Variants in ARHGAP25 observed in about 807,000 individuals in gnomAD.
ARHGAP25 encodes the protein Rho GTPase activating protein 25.
A neutral mutation model predicts 71.0 loss-of-function variants in ARHGAP25; 34 were observed. The ratio of observed to expected loss-of-function variants is 0.48; its 90% CI spans 0.36 to 0.64. ARHGAP25 has a LOEUF of 0.64. Among genes scored for constraint, ARHGAP25 ranks in the 30% least tolerant of loss-of-function variants. The pLI, the probability that ARHGAP25 is intolerant of heterozygous loss-of-function variation, is 0.00. For missense variants in ARHGAP25, 706 were observed against 805.1 expected (o/e 0.88, Z 1.49); for synonymous variants, 282 against 296.5 (o/e 0.95, Z 0.50).
At chr2:68,792,663 ATCCGATCATCTGTT>A (rs1679268282) in intron 4 of ARHGAP25, among the ~76,000 whole-genome samples, 1 of 152,180 alleles carries the variant, frequency 6.6e-6, no homozygotes, top group African/African-American at 2.4e-5. Context: ...TATTTTCTTC[ATCCGATCATCTGTT>A]GATGGACAGT....
intron 7 of ARHGAP25, 153 bp downstream of exon 7, chr2:68,816,515 T>C (rs1196724751): frequency 1.8e-5 from 12 of 649,766 alleles, no homozygotes; most frequent in African/African-American, 5.5e-5. Context: ...AGTAGCTTCC[T>C]GTATAATTTC....
At chr2:68,751,496 C>T (rs1405439664) in intron 1 of ARHGAP25, among the ~76,000 whole-genome samples, 1 of 152,182 alleles carries the variant, frequency 6.6e-6, no homozygotes, top group Non-Finnish European at 1.5e-5. Flanking sequence ...AGATTTCCTC[C>T]TATTCGCACA....
At chr2:68,804,676 C>A (rs760610765) in intron 4 of ARHGAP25, among the ~76,000 whole-genome samples, 3 of 152,218 alleles carry the variant, frequency 2.0e-5, no homozygotes, top group Non-Finnish European at 4.4e-5. Flanking sequence ...TCCATGGAAC[C>A]TGGTGCTGGC....
intron 4 of ARHGAP25, 26 bp downstream of exon 4, chr2:68,787,982 G>A (rs1395246659): frequency 6.3e-7 from 1 of 1,579,284 alleles, no homozygotes; most frequent in Non-Finnish European, 8.7e-7. Context: ...GGCTTTCCTG[G>A]GCAGGTGCCT....
chr2:68,773,162 C>T (rs1177082092), intron 1 of ARHGAP25, among the ~76,000 whole-genome samples: 3 of 151,912 alleles, frequency 2.0e-5, no homozygotes, highest in Non-Finnish European at 4.4e-5. Flanking sequence ...AATATTGGAC[C>T]GAAGGATGAA....
intron 2 of ARHGAP25, among the ~76,000 whole-genome samples, chr2:68,727,435 G>C (rs1286272720): frequency 6.6e-6 from 1 of 152,144 alleles, no homozygotes; most frequent in Non-Finnish European, 1.5e-5. Flanking sequence ...GGAATGTAAA[G>C]GTTTGTGCCA....
intron 1 of ARHGAP25, among the ~76,000 whole-genome samples, chr2:68,769,061 CCTT>C (rs1031913017): frequency 2.9e-4 from 44 of 152,280 alleles, no homozygotes; most frequent in African/African-American, 9.9e-4. Context: ...TCCTGCTCCT[CCTT>C]GTTCAGCAGG....
chr2:68,715,570 A>G (rs770730595), intron 2 of ARHGAP25, among the ~76,000 whole-genome samples: 41 of 152,090 alleles, frequency 2.7e-4, no homozygotes, highest in Non-Finnish European at 4.0e-4. Flanking sequence ...GAGGCATTGC[A>G]CCGGGTGCTT....
At chr2:68,793,264 T>A (rs1280957919) in intron 4 of ARHGAP25, among the ~76,000 whole-genome samples, 2 of 152,318 alleles carry the variant, frequency 1.3e-5, no homozygotes, top group East Asian at 3.9e-4. Context: ...GTACAGAAGC[T>A]TTTTAGCTTA....
At chr2:68,737,900 C>A (rs754291454) in intron 1 of ARHGAP25, among the ~76,000 whole-genome samples, 1 of 152,054 alleles carries the variant, frequency 6.6e-6, no homozygotes, top group African/African-American at 2.4e-5. Context: ...TCTCTGAGAG[C>A]GAGGGGAGGG....
chr2:68,728,396 T>C (rs895973113), intron 2 of ARHGAP25, among the ~76,000 whole-genome samples: 1 of 152,192 alleles, frequency 6.6e-6, no homozygotes, highest in African/African-American at 2.4e-5. Context: ...AAATGTAAAA[T>C]GGTGCAGCTA....
chr2:68,722,016 T>C (rs952101927), intron 2 of ARHGAP25, among the ~76,000 whole-genome samples: 7 of 152,228 alleles, frequency 4.6e-5, no homozygotes, highest in Non-Finnish European at 7.3e-5. Context: ...CACCAAAGGT[T>C]TGTGGTCCAG....
intron 1 of ARHGAP25, among the ~76,000 whole-genome samples, chr2:68,774,260 G>A (rs1365021533): frequency 2.0e-5 from 3 of 152,180 alleles, no homozygotes; most frequent in Non-Finnish European, 2.9e-5. Context: ...TCAGAAGGAA[G>A]TGTTGAATGG....
chr2:68,748,318 G>C (rs1042743055), intron 1 of ARHGAP25, among the ~76,000 whole-genome samples: 41 of 152,150 alleles, frequency 2.7e-4, no homozygotes, highest in African/African-American at 9.7e-4. Context: ...TCTTCAAAGA[G>C]GTCTTTCCTG....
intron 3 of ARHGAP25, among the ~76,000 whole-genome samples, chr2:68,783,830 G>A (rs1189115139): frequency 1.3e-5 from 2 of 152,088 alleles, no homozygotes; most frequent in East Asian, 3.9e-4. Context: ...AGGAAAGCCT[G>A]CTTTTTCAGT....
intron 6 of ARHGAP25, among the ~76,000 whole-genome samples, chr2:68,814,162 G>C (rs1339580811): frequency 6.6e-6 from 1 of 152,178 alleles, no homozygotes; most frequent in Non-Finnish European, 1.5e-5. Flanking sequence ...TATGTTAAAA[G>C]CCCTCTCTGG....
At chr2:68,716,281 G>A (rs1379490962) in intron 2 of ARHGAP25, among the ~76,000 whole-genome samples, 1 of 152,212 alleles carries the variant, frequency 6.6e-6, no homozygotes, top group Non-Finnish European at 1.5e-5. Context: ...CTGAGACTTG[G>A]TTATCATTCT....
At chr2:68,805,456 T>G (rs1020905816) in intron 4 of ARHGAP25, among the ~76,000 whole-genome samples, 2 of 152,012 alleles carry the variant, frequency 1.3e-5, no homozygotes, top group African/African-American at 4.8e-5. Flanking sequence ...TCCCAACACC[T>G]GATGTGATGA....
At chr2:68,724,305 C>T (rs1674832310) in intron 2 of ARHGAP25, among the ~76,000 whole-genome samples, 2 of 152,166 alleles carry the variant, frequency 1.3e-5, no homozygotes, top group African/African-American at 4.8e-5. Flanking sequence ...CTGACATTTT[C>T]CCCCAACTCT....
Sources: allele counts gnomAD v4.1 joint callset (sites outside exome capture counted in the v4.1 genomes callset), GRCh38; gene constraint gnomAD v4.1.1; transcripts MANE v1.5; gene names NCBI Gene and HGNC (gene_info 2026-07-23, HGNC 2026-07-21).